Variants in DEPDC4 observed in about 807,000 individuals in gnomAD.
The protein encoded by DEPDC4 is DEP domain-containing protein 4.
Under a neutral mutation model 52.0 loss-of-function variants are expected in DEPDC4, and 52 were observed. That is an observed-to-expected ratio of 1.00 (90% CI 0.80 to 1.26). DEPDC4 has a LOEUF of 1.26. DEPDC4 is among the 50% of genes most tolerant of loss of function. The pLI is 0.00. For synonymous variants in DEPDC4, 201 were observed against 196.8 expected (o/e 1.02, Z -0.18); for missense variants, 530 against 546.9 (o/e 0.97, Z 0.31).
At chr12:100,281,164 G>A in the DEPDC4 span, among the ~76,000 whole-genome samples, 1 of 151,536 alleles carries the variant, frequency 6.6e-6, no homozygotes, top group South Asian at 2.1e-4. Context: ...AAGTAGCTGG[G>A]ACTACAGGCA....
chr12:100,246,448 C>A (rs2096185843), intron 8 of DEPDC4, among the ~76,000 whole-genome samples: 1 of 152,070 alleles, frequency 6.6e-6, no homozygotes, highest in African/African-American at 2.4e-5. Flanking sequence ...CTACTATGTG[C>A]TAGTCATTTT....
At chr12:100,256,446 TTC>T (rs774590675) in intron 3 of DEPDC4, among the ~76,000 whole-genome samples, 8 of 152,178 alleles carry the variant, frequency 5.3e-5, no homozygotes, top group Non-Finnish European at 1.2e-4. Flanking sequence ...TAATTTTATT[TTC>T]TGTTATGCTG....
chr12:100,252,906 A>G (rs187015767), intron 5 of DEPDC4, among the ~76,000 whole-genome samples: 1 of 152,276 alleles, frequency 6.6e-6, no homozygotes, highest in Admixed American at 6.5e-5. Context: ...AAATCCTTGT[A>G]CTATAACATA....
In DEPDC4 at chr12:100,240,451, G is replaced by A. The variant is rs1233211310; in HGVS notation, c.*1441C>T. ...AAAAGTGCCGGGACTACAGGCATGG[G>A]CCACCAAGGTTGGCCCATAAGAATT... On this transcript the variant is annotated 3_prime_UTR_variant, in exon 10 of 10. Transcript: ENST00000550587. 1.3e-5 allele frequency among the ~76,000 whole-genome samples: 2 copies of A among 152,190 alleles called. No homozygotes were observed. The highest frequency in any genetic ancestry group is 2.4e-5 in the African/African-American group (1 of 41,460).
At chr12:100,245,344 G>A (rs904187868) in intron 8 of DEPDC4, among the ~76,000 whole-genome samples, 1 of 151,086 alleles carries the variant, frequency 6.6e-6, no homozygotes, top group Admixed American at 6.6e-5. Flanking sequence ...TCGGCTCAAT[G>A]CAACCCCCAC....
chr12:100,236,082 C>T (rs1178606486), downstream of DEPDC4, among the ~76,000 whole-genome samples: 2 of 152,126 alleles, frequency 1.3e-5, no homozygotes, highest in African/African-American at 4.8e-5. Context: ...TTTGTTTATC[C>T]ACTTGTTGAT....
chr12:100,249,977 A>C (rs1260500433), intron 7 of DEPDC4, among the ~76,000 whole-genome samples: 2 of 152,224 alleles, frequency 1.3e-5, no homozygotes, highest in African/African-American at 4.8e-5. Flanking sequence ...CCAGAGTGAA[A>C]GCAGTGGCCA....
intron 1 of DEPDC4, among the ~76,000 whole-genome samples, chr12:100,264,536 G>A (rs866618999): frequency 5.9e-5 from 9 of 151,966 alleles, no homozygotes; most frequent in South Asian, 2.1e-4. Flanking sequence ...AAAATTAGCC[G>A]AGCGTGGTGG....
chr12:100,260,275 G>A (rs2096249224), intron 3 of DEPDC4, among the ~76,000 whole-genome samples: 2 of 151,454 alleles, frequency 1.3e-5, no homozygotes, highest in African/African-American at 2.4e-5. Flanking sequence ...CACGCACCAC[G>A]ACACCTGGCT....
At chr12:100,257,235 G>A (rs953454054) in intron 3 of DEPDC4, among the ~76,000 whole-genome samples, 1 of 151,878 alleles carries the variant, frequency 6.6e-6, no homozygotes, top group Admixed American at 6.6e-5. Flanking sequence ...GCACCACCCT[G>A]CCAGACTAAT....
At chr12:100,275,987 A>C in the DEPDC4 span, among the ~76,000 whole-genome samples, 1 of 152,160 alleles carries the variant, frequency 6.6e-6, no homozygotes, top group South Asian at 2.1e-4. Context: ...CATTTTTAAA[A>C]GTTGAATTAA....
At chr12:100,271,797 GA>G (rs962675932), upstream of DEPDC4, among the ~76,000 whole-genome samples, 28 of 152,242 alleles carry the variant, frequency 1.8e-4, no homozygotes, top group African/African-American at 5.5e-4. Flanking sequence ...GGAAGCTGGG[GA>G]AAAAAGTAAA....
chr12:100,244,095 GTATATATATATATATATATATA>G (rs774444544), intron 8 of DEPDC4, among the ~76,000 whole-genome samples: 3,241 of 51,654 alleles, frequency 0.063, 126 homozygotes, highest in African/African-American at 0.09. Flanking sequence ...CTCTCTCTGT[GTATATATATATATATATATATA>G]TATATATATA....
the DEPDC4 span, among the ~76,000 whole-genome samples, chr12:100,275,037 C>T: frequency 1.3e-5 from 2 of 152,068 alleles, no homozygotes; most frequent in Admixed American, 6.6e-5. Context: ...CAGTATATAT[C>T]GTTCCATTTA....
the DEPDC4 span, among the ~76,000 whole-genome samples, chr12:100,280,743 G>A: frequency 6.6e-6 from 1 of 151,928 alleles, no homozygotes; most frequent in Non-Finnish European, 1.5e-5. Context: ...TTCAGATTTT[G>A]GATTTTTGAA....
At chr12:100,279,888 A>T in the DEPDC4 span, among the ~76,000 whole-genome samples, 1 of 152,232 alleles carries the variant, frequency 6.6e-6, no homozygotes, top group Admixed American at 6.5e-5. Flanking sequence ...GGAACAGAGC[A>T]TGAAGGGGAC....
At chr12:100,276,466 G>A in the DEPDC4 span, among the ~76,000 whole-genome samples, 1 of 152,174 alleles carries the variant, frequency 6.6e-6, no homozygotes. Context: ...CCAAGTAGCT[G>A]GGACCATAAG....
Position 100,266,986 on chromosome 12 carries a change from C to T in DEPDC4, c.91G>A (p.Gly31Ser), listed in dbSNP as rs1259632213. ...GAACTTGGCCCGTTCAGCCCTGGGC[C>T]CGGAAGCTCGTTCTGACTGACAAGT... ...RRLVSQNELP[G>S]PGLNGPSSRN... The change falls in exon 1 of 10, where the codon GGC becomes AGC. Residue 31 changes from glycine (G) to serine (S), a missense_variant. Gly to Ser is a moderately conservative substitution (Grantham distance 56). Transcript: ENST00000550587. 2 of 1,614,104 alleles carry T rather than the reference C, an allele frequency of 1.2e-6. No individual in the cohort carries two copies. Among genetic ancestry groups the T allele is most frequent in the South Asian group, 2.2e-5 (2 of 91,064 alleles).
At chr12:100,267,241 G>C (rs1447290225), upstream of DEPDC4, 5 of 710,926 alleles carry the variant, frequency 7.0e-6, no homozygotes, top group Non-Finnish European at 8.9e-6. Flanking sequence ...TTTCCTTCTA[G>C]CTCCGACGTT....
Sources: gnomAD v4.1 joint callset for allele counts (sites outside exome capture counted in the v4.1 genomes callset) on GRCh38, gnomAD v4.1.1 for gene constraint, MANE v1.5 for transcripts, NCBI Gene and HGNC (gene_info 2026-07-23, HGNC 2026-07-21) for gene names.